VAV3: variants seen among roughly 807,000 people sequenced by gnomAD.
The protein encoded by VAV3 is vav guanine nucleotide exchange factor 3, also known as guanine nucleotide exchange factor VAV3.
In VAV3, 94 loss-of-function variants were observed where a neutral mutation model predicts 131.2. That is an observed-to-expected ratio of 0.72 (90% CI 0.61 to 0.85). The LOEUF is 0.85. VAV3 is among the 40% of genes least tolerant of loss of function. The pLI is 0.00. For synonymous variants in VAV3, 349 were observed against 342.0 expected (o/e 1.02, Z -0.22); for missense variants, 939 against 1,002.7 (o/e 0.94, Z 0.86).
chr1:107,609,191 T>TC (rs1447785045), intron 22 of VAV3, among the ~76,000 whole-genome samples: 2 of 152,208 alleles, frequency 1.3e-5, no homozygotes, highest in East Asian at 3.8e-4. Flanking sequence ...AAATACTCAG[T>TC]ATATATTAGT....
chr1:107,708,530 G>T (rs190867950), intron 15 of VAV3, among the ~76,000 whole-genome samples: 122 of 152,110 alleles, frequency 8.0e-4, no homozygotes, highest in African/African-American at 2.9e-3. Flanking sequence ...ACACTCTTAG[G>T]GCTTCATATA....
At chr1:107,774,211 C>T (rs1353069436) in intron 4 of VAV3, among the ~76,000 whole-genome samples, 2 of 152,054 alleles carry the variant, frequency 1.3e-5, no homozygotes, top group African/African-American at 2.4e-5. Context: ...GAATTACAGG[C>T]ACGCACCACC....
intron 24 of VAV3, among the ~76,000 whole-genome samples, chr1:107,598,495 T>C (rs1651573559): frequency 6.6e-6 from 1 of 152,164 alleles, no homozygotes; most frequent in Non-Finnish European, 1.5e-5. Context: ...CTTCCAAATA[T>C]TATATCTATA....
Position 107,679,071 on chromosome 1 carries a change from A to G in VAV3, c.1777+4417T>C, listed in dbSNP as rs546057931. Among the ~76,000 whole-genome samples the G allele has an allele frequency of 4.6e-5, 7 of 152,288 alleles. 1 individual carries two copies. The highest frequency in any genetic ancestry group is 4.1e-4 in the South Asian group (2 of 4,830). ...ATGACAATCCTGTGCTTAATGTCAG[A>G]TAAGAAATGAAATTGGTAATGAAAG... On this transcript the variant is annotated intron_variant, in intron 19 of 26. Coordinates refer to ENST00000370056, the MANE Select transcript of VAV3 (RefSeq NM_006113.5).
At chr1:107,700,629 A>G (rs1660058694) in intron 17 of VAV3, among the ~76,000 whole-genome samples, 1 of 152,192 alleles carries the variant, frequency 6.6e-6, no homozygotes. Context: ...AAAGGACATG[A>G]TCTCATTCCT....
At chr1:107,869,515 C>T (rs1244894385) in intron 2 of VAV3, among the ~76,000 whole-genome samples, 4 of 152,086 alleles carry the variant, frequency 2.6e-5, no homozygotes, top group Non-Finnish European at 5.9e-5. Flanking sequence ...TTAATACTCA[C>T]CTAAACTCAA....
chr1:107,962,802 C>G (rs373844422), intron 1 of VAV3, among the ~76,000 whole-genome samples: 1 of 152,166 alleles, frequency 6.6e-6, no homozygotes, highest in Non-Finnish European at 1.5e-5. Flanking sequence ...AAAAGTGCAA[C>G]GGCACAAAGA....
intron 21 of VAV3, among the ~76,000 whole-genome samples, chr1:107,611,075 G>A (rs1652689403): frequency 6.6e-6 from 1 of 152,134 alleles, no homozygotes; most frequent in Non-Finnish European, 1.5e-5. Context: ...GACTAGAGAT[G>A]TTTCACATTT....
chr1:107,950,531 G>T (rs1328639418), intron 1 of VAV3, among the ~76,000 whole-genome samples: 2 of 152,166 alleles, frequency 1.3e-5, no homozygotes, highest in Non-Finnish European at 2.9e-5. Flanking sequence ...TTGTTATGAG[G>T]CACTGCAAAG....
intron 25 of VAV3, among the ~76,000 whole-genome samples, chr1:107,581,264 G>C (rs1483539270): frequency 6.6e-6 from 1 of 152,148 alleles, no homozygotes; most frequent in Non-Finnish European, 1.5e-5. Flanking sequence ...AGGCAAGGGA[G>C]GCCACCTTGC....
chr1:107,796,329 C>T (rs144786381), intron 2 of VAV3, among the ~76,000 whole-genome samples: 60 of 152,240 alleles, frequency 3.9e-4, no homozygotes, highest in African/African-American at 1.4e-3. Flanking sequence ...AACCAAGCTG[C>T]CCGGCTTCCA....
At chr1:107,657,971 T>C (rs1055713703) in intron 19 of VAV3, among the ~76,000 whole-genome samples, 2 of 152,232 alleles carry the variant, frequency 1.3e-5, no homozygotes, top group African/African-American at 4.8e-5. Context: ...ATGTAGGTTT[T>C]AGTTTTTATT....
intron 2 of VAV3, among the ~76,000 whole-genome samples, chr1:107,859,815 C>A (rs141296788): frequency 2.0e-5 from 3 of 152,180 alleles, no homozygotes; most frequent in East Asian, 3.9e-4. Context: ...ATGTCTGAAC[C>A]TTTATTCAAT....
At chr1:107,641,179 C>G (rs1267060553) in intron 20 of VAV3, among the ~76,000 whole-genome samples, 1 of 152,078 alleles carries the variant, frequency 6.6e-6, no homozygotes, top group Non-Finnish European at 1.5e-5. Context: ...TCACTGGCTA[C>G]CACAATTGAA....
At chr1:107,740,843 G>A (rs1311927311) in intron 15 of VAV3, among the ~76,000 whole-genome samples, 1 of 152,206 alleles carries the variant, frequency 6.6e-6, no homozygotes, top group Non-Finnish European at 1.5e-5. Flanking sequence ...AGTTAACTAT[G>A]ACAGAATTGA....
intron 2 of VAV3, among the ~76,000 whole-genome samples, chr1:107,790,038 C>T (rs1200673030): frequency 6.6e-6 from 1 of 152,176 alleles, no homozygotes; most frequent in African/African-American, 2.4e-5. Context: ...GGCTAGAAGA[C>T]TCCACAGACG....
At chr1:107,734,106 A>C (rs1046921944) in intron 15 of VAV3, among the ~76,000 whole-genome samples, 4 of 152,200 alleles carry the variant, frequency 2.6e-5, no homozygotes, top group Non-Finnish European at 5.9e-5. Flanking sequence ...TATCCAGCCA[A>C]ACTAAGCTTC....
intron 7 of VAV3, among the ~76,000 whole-genome samples, chr1:107,767,866 C>T (rs1664820258): frequency 6.6e-6 from 1 of 152,088 alleles, no homozygotes; most frequent in South Asian, 2.1e-4. Context: ...GTAAGGTGCC[C>T]TGAAACTTGA....
intron 2 of VAV3, among the ~76,000 whole-genome samples, chr1:107,845,134 G>A (rs1668906832): frequency 6.6e-6 from 1 of 152,184 alleles, no homozygotes; most frequent in Admixed American, 6.5e-5. Flanking sequence ...TTGCTCTTCT[G>A]CAGCATCCAC....
Sources: gnomAD v4.1 joint callset for allele counts (sites outside exome capture counted in the v4.1 genomes callset) on GRCh38, gnomAD v4.1.1 for gene constraint, MANE v1.5 for transcripts, NCBI Gene and HGNC (gene_info 2026-07-23, HGNC 2026-07-21) for gene names.